MTSS1: variants seen among roughly 807,000 people sequenced by gnomAD.
MTSS1 encodes the protein protein MTSS 1.
A neutral mutation model predicts 79.0 loss-of-function variants in MTSS1; 18 were observed. That is an observed-to-expected ratio of 0.23 (90% CI 0.16 to 0.34). The LOEUF (loss-of-function observed/expected upper bound fraction) is 0.34. MTSS1 is among the 10% of genes least tolerant of loss of function. The pLI, the probability that MTSS1 is intolerant of heterozygous loss-of-function variation, is 1.00. For synonymous variants in MTSS1, 341 were observed against 368.6 expected (o/e 0.93, Z 0.86); for missense variants, 815 against 986.2 (o/e 0.83, Z 2.33).
At chr8:124,660,519 A>G (rs1030404857) in intron 3 of MTSS1, among the ~76,000 whole-genome samples, 4 of 151,574 alleles carry the variant, frequency 2.6e-5, no homozygotes, top group Admixed American at 2.0e-4. Flanking sequence ...TAAATCAACA[A>G]GGCTTCCCAC....
intron 3 of MTSS1, among the ~76,000 whole-genome samples, chr8:124,613,671 T>C (rs1836300543): frequency 6.6e-6 from 1 of 152,190 alleles, no homozygotes; most frequent in African/African-American, 2.4e-5. Flanking sequence ...TGCACAAGTC[T>C]AAGAGAATGC....
chr8:124,635,264 C>T (rs1467522770), intron 3 of MTSS1, among the ~76,000 whole-genome samples: 1 of 152,080 alleles, frequency 6.6e-6, no homozygotes, highest in African/African-American at 2.4e-5. Flanking sequence ...GCAATAAATA[C>T]AGGGAACAGA....
In MTSS1 at chr8:124,553,912, A is replaced by G. The variant is rs1230879733; in HGVS notation, c.1568-220T>C. ...CTGATGTGTCCCAAGTACCTAGAAC[A>G]GTGCTGGACACGGTAGGCACTCAAA... On this transcript the variant is annotated intron_variant, in intron 13 of 13. Coordinates refer to ENST00000518547, the MANE Select transcript of MTSS1 (RefSeq NM_014751.6). This position sits in a 1 kb window ranked among gnomAD's most constrained non-coding sequence, Gnocchi z 6.0. 6.6e-6 allele frequency among the ~76,000 whole-genome samples: 1 copy of G among 152,198 alleles called. No individual in the cohort carries two copies. Among genetic ancestry groups the G allele is most frequent in the Non-Finnish European group, 1.5e-5 (1 of 68,036 alleles).
chr8:124,674,636 G>A (rs910183686), intron 3 of MTSS1, among the ~76,000 whole-genome samples: 1 of 152,056 alleles, frequency 6.6e-6, no homozygotes. Flanking sequence ...AAGCCACCAC[G>A]CCCGGCCAGA....
chr8:124,567,188 A>C lies in MTSS1; in HGVS notation c.619-10T>G, dbSNP rs1040401191. On this transcript the variant is annotated splice_polypyrimidine_tract_variant and intron_variant, in intron 7 of 13. Coordinates refer to ENST00000518547, the MANE Select transcript of MTSS1 (RefSeq NM_014751.6). ...TTGAGATTTCTTCTTCCTGAAGGAA[A>C]AGTCATTCATGAAATGTTATTATCA... 1.3e-6 allele frequency: 2 copies of C among 1,574,112 alleles called. No homozygotes were observed. The highest frequency in any genetic ancestry group is 1.3e-5 in the African/African-American group (1 of 74,096).
intron 3 of MTSS1, among the ~76,000 whole-genome samples, chr8:124,612,635 CGAGA>C (rs1478306448): frequency 2.3e-5 from 1 of 43,920 alleles, no homozygotes; most frequent in Admixed American, 2.2e-4. Context: ...TGTGTGTGTA[CGAGA>C]GAGAAAGAGA....
intron 3 of MTSS1, among the ~76,000 whole-genome samples, chr8:124,611,106 A>ACC (rs750490897): frequency 0.082 from 7,672 of 93,608 alleles, 769 homozygotes; most frequent in South Asian, 0.13. Flanking sequence ...CACCAGACAG[A>ACC]CCCCCCCCCC....
chr8:124,581,601 G>GC (rs1286890533), intron 6 of MTSS1, among the ~76,000 whole-genome samples: 2 of 151,692 alleles, frequency 1.3e-5, no homozygotes, highest in Non-Finnish European at 2.9e-5. Context: ...GACTACAGGC[G>GC]CCCGCCACCA....
chr8:124,584,160 T>G (rs1374867245), intron 6 of MTSS1, among the ~76,000 whole-genome samples: 3 of 152,202 alleles, frequency 2.0e-5, no homozygotes, highest in African/African-American at 7.2e-5. Context: ...ATCCCATCTC[T>G]ACAAATGTGT....
At chr8:124,666,972 C>T (rs1823217513) in intron 3 of MTSS1, among the ~76,000 whole-genome samples, 2 of 152,046 alleles carry the variant, frequency 1.3e-5, no homozygotes, top group South Asian at 4.1e-4. Flanking sequence ...ATTAAAATTC[C>T]CATTTAAGAA....
intron 3 of MTSS1, among the ~76,000 whole-genome samples, chr8:124,667,986 A>C (rs1031086474): frequency 6.6e-5 from 10 of 151,800 alleles, no homozygotes; most frequent in African/African-American, 2.2e-4. Flanking sequence ...CTGGGGGACC[A>C]CTGAGGTGGG....
rs564844757 is a variant in MTSS1, at chr8:124,590,235, T to C, written c.294-524A>G. On this transcript the variant is annotated intron_variant, in intron 4 of 13. Coordinates refer to ENST00000518547, the MANE Select transcript of MTSS1 (RefSeq NM_014751.6). The stretch of plus-strand genomic sequence containing the variant: ...ACCCTTCTTCCCATTTTCCCTGTGA[T>C]ATTCTAGTGTTTGTATTAACAAGCC... 2.6e-4 allele frequency among the ~76,000 whole-genome samples: 39 copies of C among 152,302 alleles called. No individual in the cohort carries two copies. In the South Asian group the frequency reaches 6.2e-3, roughly 24 times the overall value.
chr8:124,604,876 CT>C lies in MTSS1; in HGVS notation c.209-13642del, dbSNP rs575799376. On this transcript the variant is annotated intron_variant, in intron 3 of 13. Coordinates refer to ENST00000518547, the MANE Select transcript of MTSS1 (RefSeq NM_014751.6). ...GAGGAAACAAAACCCACACACAATC[CT>C]ACCACCATCTGGCGGCTTCAGACCA... Among the ~76,000 whole-genome samples the C allele has an allele frequency of 1.7e-4, 26 of 152,216 alleles. No homozygotes were observed. The South Asian group carries it at 2.7e-3, about 16-fold the overall frequency.
rs56669357 is a variant in MTSS1, at chr8:124,592,363, C to T, written c.209-1128G>A. Among the ~76,000 whole-genome samples the T allele has an allele frequency of 6.6e-5, 10 of 152,246 alleles. No individual in the cohort carries two copies. The East Asian group carries it at 1.2e-3, about 18-fold the overall frequency. ...CTGGAGGGCACAATTATGAACATTA[C>T]GAAAACACTGGTGTTTGTGAATTTG... On this transcript the variant is annotated intron_variant, in intron 3 of 13. Coordinates refer to ENST00000518547, the MANE Select transcript of MTSS1 (RefSeq NM_014751.6).
intron 1 of MTSS1, among the ~76,000 whole-genome samples, chr8:124,720,752 C>T (rs774367185): frequency 2.0e-5 from 3 of 152,222 alleles, no homozygotes; most frequent in Non-Finnish European, 4.4e-5. Context: ...GAGATAATTA[C>T]TCCACTGATT....
At chr8:124,705,626 A>C (rs1830280941) in intron 1 of MTSS1, among the ~76,000 whole-genome samples, 2 of 152,236 alleles carry the variant, frequency 1.3e-5, no homozygotes. Context: ...GGAAAGGAGG[A>C]AAAAATTATA....
intron 6 of MTSS1, among the ~76,000 whole-genome samples, chr8:124,571,741 G>A (rs529249725): frequency 4.5e-4 from 69 of 152,308 alleles, no homozygotes; most frequent in African/African-American, 1.5e-3. Flanking sequence ...CGCGGCGGGC[G>A]GATCATGAGG....
chr8:124,659,023 G>T (rs1214423602), intron 3 of MTSS1, among the ~76,000 whole-genome samples: 1 of 152,140 alleles, frequency 6.6e-6, no homozygotes, highest in South Asian at 2.1e-4. Context: ...TATTTCAAAT[G>T]AATCTGAACA....
chr8:124,596,580 C>T (rs1002301244), intron 3 of MTSS1, among the ~76,000 whole-genome samples: 4 of 152,186 alleles, frequency 2.6e-5, no homozygotes, highest in African/African-American at 9.7e-5. Context: ...ACACACGATC[C>T]ACAAGCGTCC....
Sources: gnomAD v4.1 joint callset for allele counts (sites outside exome capture counted in the v4.1 genomes callset) on GRCh38, gnomAD v4.1.1 for gene constraint, Gnocchi (gnomAD v3.1) non-coding constraint, MANE v1.5 for transcripts, NCBI Gene and HGNC (gene_info 2026-07-23, HGNC 2026-07-21) for gene names.